The following SLC8A1 variants were observed in gnomAD, a reference collection of about 807,000 sequenced individuals.
SLC8A1 encodes the protein solute carrier family 8 member A1.
SLC8A1 carries 18 observed loss-of-function variants against 68.3 expected under a neutral mutation model. The observed-to-expected ratio is 0.26, with a 90% CI of 0.18 to 0.39. The LOEUF (loss-of-function observed/expected upper bound fraction) is 0.39. Ranked by LOEUF, SLC8A1 falls within the 10% of genes least tolerant of loss-of-function variation. The pLI is 1.00. For missense variants in SLC8A1, 985 were observed against 1,156.7 expected (o/e 0.85, Z 2.15); for synonymous variants, 475 against 415.5 (o/e 1.14, Z -1.74).
intron 6 of SLC8A1, among the ~76,000 whole-genome samples, chr2:40,157,924 C>T (rs1413092410): frequency 1.3e-5 from 2 of 152,156 alleles, no homozygotes; most frequent in Non-Finnish European, 2.9e-5. Context: ...ATTATGGTCA[C>T]AGGAGGCCCA....
chr2:40,502,608 G>C (rs1365635117), intron 1 of SLC8A1, among the ~76,000 whole-genome samples: 4 of 151,848 alleles, frequency 2.6e-5, no homozygotes, highest in African/African-American at 9.7e-5. Flanking sequence ...TATTCCTTTA[G>C]TACAGTTGTG....
intron 1 of SLC8A1, among the ~76,000 whole-genome samples, chr2:40,497,605 G>T (rs572569387): frequency 6.6e-6 from 1 of 151,942 alleles, no homozygotes; most frequent in South Asian, 2.1e-4. Flanking sequence ...CAAGAAAGAA[G>T]GTATTAAATA....
At chr2:40,419,989 C>T (rs1695030129) in intron 2 of SLC8A1, among the ~76,000 whole-genome samples, 1 of 152,078 alleles carries the variant, frequency 6.6e-6, no homozygotes, top group Non-Finnish European at 1.5e-5. Context: ...TATAGAAACA[C>T]CTGAACATTG....
At chr2:40,177,484 T>C (rs369860913) in intron 3 of SLC8A1, among the ~76,000 whole-genome samples, 1 of 152,248 alleles carries the variant, frequency 6.6e-6, no homozygotes, top group Non-Finnish European at 1.5e-5. Flanking sequence ...CACATTCTTT[T>C]ATGTAATCAT....
At chr2:40,438,816 A>G (rs1699950189) in intron 1 of SLC8A1, among the ~76,000 whole-genome samples, 1 of 152,154 alleles carries the variant, frequency 6.6e-6, no homozygotes, top group African/African-American at 2.4e-5. Flanking sequence ...TTTAACAACA[A>G]TCCCAGGTGA....
At chr2:40,407,140 C>T (rs2149683115) in intron 2 of SLC8A1, among the ~76,000 whole-genome samples, 1 of 152,266 alleles carries the variant, frequency 6.6e-6, no homozygotes, top group South Asian at 2.1e-4. Flanking sequence ...GATCCCAGCT[C>T]ACTGCAACCT....
chr2:40,257,455 C>A (rs2064101656), intron 2 of SLC8A1, among the ~76,000 whole-genome samples: 1 of 151,060 alleles, frequency 6.6e-6, no homozygotes, highest in African/African-American at 2.4e-5. Context: ...CTTTTTTTGA[C>A]CCTCTAGGCA....
chr2:40,169,093 G>T (rs1287500594), intron 4 of SLC8A1, among the ~76,000 whole-genome samples: 2 of 152,182 alleles, frequency 1.3e-5, no homozygotes, highest in East Asian at 3.9e-4. Flanking sequence ...TGAGAAAGCT[G>T]TTTCTAACGC....
rs1484042136 is a variant in SLC8A1, at chr2:40,107,577, A to G, written c.*7676T>C. On this transcript the variant is annotated 3_prime_UTR_variant, in exon 8 of 8. Coordinates refer to ENST00000406785, the Ensembl canonical transcript of SLC8A1. Reference sequence around the variant, plus strand: ...AAAGTACTTCTCTTTGTATTATAGAATATGTTTAATTAATATTATTCTAAG... The same window carrying G: ...AAAGTACTTCTCTTTGTATTATAGAGTATGTTTAATTAATATTATTCTAAG... 3.9e-5 allele frequency: 6 copies of G among 152,204 alleles called. No homozygotes were observed. The East Asian group carries it at 1.2e-3, about 29-fold the overall frequency. The allele number at this position is 152,204 out of a possible 1,614,324, so 9.4% of individuals were successfully genotyped here. A position where few individuals can be genotyped will look rare whatever the true frequency, so the allele number is the denominator to read the frequency against.
chr2:40,282,830 A>G (rs6544316), intron 2 of SLC8A1, among the ~76,000 whole-genome samples: 80,733 of 151,852 alleles, frequency 0.53, 24,089 homozygotes, highest in African/African-American at 0.8. Context: ...ACCACTATAA[A>G]CCCAATCAGA....
At chr2:40,214,007 T>G (rs554095273) in intron 2 of SLC8A1, among the ~76,000 whole-genome samples, 26 of 152,282 alleles carry the variant, frequency 1.7e-4, no homozygotes, top group Admixed American at 1.1e-3. Context: ...TCAGAAATCC[T>G]CAGAAAACCT....
chr2:40,330,813 T>C (rs1213730229), intron 2 of SLC8A1, among the ~76,000 whole-genome samples: 1 of 152,188 alleles, frequency 6.6e-6, no homozygotes, highest in African/African-American at 2.4e-5. Flanking sequence ...TGAGGCATTC[T>C]GGAAAAATGA....
At chr2:40,210,942 G>A (rs1401779927) in intron 2 of SLC8A1, among the ~76,000 whole-genome samples, 2 of 152,222 alleles carry the variant, frequency 1.3e-5, no homozygotes, top group Admixed American at 6.5e-5. Flanking sequence ...AAGAAGATGA[G>A]GGATAACTTA....
intron 3 of SLC8A1, among the ~76,000 whole-genome samples, chr2:40,176,452 C>T (rs2048479189): frequency 6.6e-6 from 1 of 152,002 alleles, no homozygotes; most frequent in South Asian, 2.1e-4. Flanking sequence ...ATTTTGGATC[C>T]CATCTTTTAA....
intron 1 of SLC8A1, among the ~76,000 whole-genome samples, chr2:40,458,155 G>A (rs1703133875): frequency 6.6e-6 from 1 of 152,154 alleles, no homozygotes; most frequent in South Asian, 2.1e-4. Context: ...GCTCTTTTAC[G>A]TCTGGCACAA....
chr2:40,367,866 C>T (rs1479825974), intron 2 of SLC8A1, among the ~76,000 whole-genome samples: 1 of 152,026 alleles, frequency 6.6e-6, no homozygotes, highest in East Asian at 1.9e-4. Context: ...CAACACAACC[C>T]CCCACATCTT....
At chr2:40,441,245 G>A (rs1700421009) in intron 1 of SLC8A1, among the ~76,000 whole-genome samples, 1 of 152,082 alleles carries the variant, frequency 6.6e-6, no homozygotes, top group Non-Finnish European at 1.5e-5. Context: ...TCTTCAAGGA[G>A]AACTACAAAC....
At chr2:40,157,579 C>A (rs1234606329) in intron 6 of SLC8A1, among the ~76,000 whole-genome samples, 6 of 152,200 alleles carry the variant, frequency 3.9e-5, no homozygotes, top group African/African-American at 7.2e-5. Flanking sequence ...TCCCTTGATA[C>A]CTCAGCTGGC....
intron 1 of SLC8A1, among the ~76,000 whole-genome samples, chr2:40,434,737 T>A (rs1347624678): frequency 6.6e-6 from 1 of 152,158 alleles, no homozygotes; most frequent in Non-Finnish European, 1.5e-5. Flanking sequence ...ATACCCAAAT[T>A]ATCTTCTGAT....
Sources: gnomAD v4.1 joint callset for allele counts (sites outside exome capture counted in the v4.1 genomes callset) on GRCh38, gnomAD v4.1.1 for gene constraint, MANE v1.5 for transcripts, NCBI Gene and HGNC (gene_info 2026-07-23, HGNC 2026-07-21) for gene names.